NAV3: variants seen among roughly 807,000 people sequenced by gnomAD.
NAV3 encodes the protein pore membrane and/or filament interacting like protein 1.
In NAV3, 87 loss-of-function variants were observed where a neutral mutation model predicts 244.7. The ratio of observed to expected loss-of-function variants is 0.36; its 90% CI spans 0.30 to 0.42. NAV3 has a LOEUF of 0.42. NAV3 is among the 20% of genes least tolerant of loss of function. The pLI is 1.00. For missense variants in NAV3, 2,663 were observed against 2,893.3 expected, an observed-to-expected ratio of 0.92 and a Z score of 1.83; for synonymous variants, 1,126 against 1,042.2, an observed-to-expected ratio of 1.08 and a Z score of -1.55.
intron 2 of NAV3, among the ~76,000 whole-genome samples, chr12:77,788,244 G>A (rs1870998777): frequency 6.6e-6 from 1 of 152,140 alleles, no homozygotes; most frequent in Non-Finnish European, 1.5e-5. Context: ...TTTCCTTTGT[G>A]AGAGATTATT....
intron 3 of NAV3, among the ~76,000 whole-genome samples, chr12:77,957,326 A>G (rs1336906812): frequency 6.6e-6 from 1 of 152,218 alleles, no homozygotes; most frequent in Non-Finnish European, 1.5e-5. Context: ...TGCTGAATGA[A>G]TTAATCACTT....
At chr12:77,694,623 T>C (rs1032160766) in intron 2 of NAV3, among the ~76,000 whole-genome samples, 11 of 152,198 alleles carry the variant, frequency 7.2e-5, no homozygotes, top group African/African-American at 2.7e-4. Context: ...AGTATCTCCT[T>C]GAGTTATCTC....
intron 17 of NAV3, 87 bp from the exon 18 acceptor site, chr12:78,128,619 A>G: frequency 1.5e-6 from 2 of 1,334,036 alleles, no homozygotes; most frequent in Non-Finnish European, 2.1e-6. Flanking sequence ...CATTCTGAAT[A>G]GTAACCTCCT....
chr12:77,584,240 A>G (rs2136688185), intron 2 of NAV3, among the ~76,000 whole-genome samples: 1 of 152,262 alleles, frequency 6.6e-6, no homozygotes, highest in Non-Finnish European at 1.5e-5. Context: ...TATGATACGT[A>G]CTCAGGAACT....
chr12:77,767,355 T>G (rs1291792217), intron 2 of NAV3, among the ~76,000 whole-genome samples: 1 of 152,220 alleles, frequency 6.6e-6, no homozygotes, highest in Non-Finnish European at 1.5e-5. Flanking sequence ...TGGAAACCTC[T>G]GTGGCCAGTG....
At chr12:77,640,324 G>A (rs1872353278) in intron 2 of NAV3, among the ~76,000 whole-genome samples, 1 of 152,036 alleles carries the variant, frequency 6.6e-6, no homozygotes, top group Non-Finnish European at 1.5e-5. Context: ...TTAAGGAAGA[G>A]TAATCATTTT....
At position 77,849,517 on chromosome 12, in the gene NAV3, C is replaced by T. The variant is rs553547606; in HGVS notation, c.243+17813C>T. ...CTGATTTCAGGTGATGGGTTGTAGT[C>T]AAAACACAGTCAAAACTTTGTTTCA... On this transcript the variant is annotated intron_variant, in intron 1 of 39. Coordinates refer to ENST00000397909, the MANE Select transcript of NAV3 (RefSeq NM_001024383.2). Among the ~76,000 whole-genome samples, 6 of 152,184 alleles carry T rather than the reference C, an allele frequency of 3.9e-5. No individual in the cohort carries two copies. In the East Asian group the frequency reaches 1.2e-3, roughly 29 times the overall value.
chr12:77,907,485 C>T (rs73342786), intron 1 of NAV3, among the ~76,000 whole-genome samples: 3,030 of 152,060 alleles, frequency 0.02, 38 homozygotes, highest in African/African-American at 0.035. Flanking sequence ...CTGATTATTT[C>T]CTTGTAATAA....
chr12:77,635,130 AG>A (rs1463642503), intron 2 of NAV3, among the ~76,000 whole-genome samples: 3 of 152,168 alleles, frequency 2.0e-5, no homozygotes, highest in Non-Finnish European at 4.4e-5. Flanking sequence ...TGGGAGGCTA[AG>A]GCAGGAGAAT....
rs188187962 is a variant in NAV3 at position 78,043,630 on chromosome 12, G to A, written c.2024-6363G>A. Among the ~76,000 whole-genome samples the A allele has an allele frequency of 2.0e-3, 298 of 152,206 alleles. 3 individuals carry two copies. The highest frequency in any genetic ancestry group is 6.9e-3 in the African/African-American group (287 of 41,524). ...CTTTTTAATGATCGCCATTCTAACC[G>A]GCGTGAGATGGTATCTCATTGTGGT... is the stretch of plus-strand genomic sequence containing the variant. On this transcript the variant is annotated intron_variant, in intron 9 of 39. Coordinates refer to ENST00000397909, the MANE Select transcript of NAV3 (RefSeq NM_001024383.2).
intron 2 of NAV3, among the ~76,000 whole-genome samples, chr12:77,715,406 A>G (rs1282873454): frequency 1.3e-5 from 2 of 151,872 alleles, no homozygotes; most frequent in Non-Finnish European, 2.9e-5. Context: ...CTTTTTCAAC[A>G]TGAATGTCTA....
At chr12:77,925,838 G>A (rs1448114165) in intron 1 of NAV3, among the ~76,000 whole-genome samples, 1 of 152,096 alleles carries the variant, frequency 6.6e-6, no homozygotes, top group Non-Finnish European at 1.5e-5. Flanking sequence ...TAGCAAACTA[G>A]ATGACAGATC....
chr12:77,590,461 A>T (rs550808799), intron 2 of NAV3, among the ~76,000 whole-genome samples: 39 of 152,320 alleles, frequency 2.6e-4, no homozygotes, highest in African/African-American at 8.9e-4. Flanking sequence ...GAGCTAAATG[A>T]TAAGAACCCT....
intron 1 of NAV3, among the ~76,000 whole-genome samples, chr12:77,902,864 G>A (rs1427963747): frequency 6.6e-6 from 1 of 152,094 alleles, no homozygotes; most frequent in African/African-American, 2.4e-5. Context: ...CAAACAGAGA[G>A]CCAAATCATG....
At chr12:77,602,530 G>T (rs1188670393) in intron 2 of NAV3, among the ~76,000 whole-genome samples, 4 of 151,978 alleles carry the variant, frequency 2.6e-5, no homozygotes, top group African/African-American at 9.7e-5. Context: ...ATGAACTAAA[G>T]AGGGGATTAA....
At chr12:77,640,933 A>T (rs960908917) in intron 2 of NAV3, among the ~76,000 whole-genome samples, 6 of 152,132 alleles carry the variant, frequency 3.9e-5, no homozygotes, top group African/African-American at 1.4e-4. Flanking sequence ...AAGTGGGCTG[A>T]TACAAAGTTG....
At chr12:77,900,007 G>T (rs1422441920) in intron 1 of NAV3, among the ~76,000 whole-genome samples, 2 of 151,878 alleles carry the variant, frequency 1.3e-5, no homozygotes, top group East Asian at 3.9e-4. Context: ...TATCCAACAG[G>T]AAATTTTTCA....
chr12:77,772,636 C>T (rs958761717), intron 2 of NAV3, among the ~76,000 whole-genome samples: 1 of 152,078 alleles, frequency 6.6e-6, no homozygotes, highest in Non-Finnish European at 1.5e-5. Flanking sequence ...TATCCTTTTA[C>T]TTTAAATTTC....
intron 39 of NAV3, among the ~76,000 whole-genome samples, chr12:78,207,002 T>C (rs947812464): frequency 6.6e-6 from 1 of 151,626 alleles, no homozygotes; most frequent in Non-Finnish European, 1.5e-5. Context: ...GGGATTACAG[T>C]CATGCACCAC....
Sources: gnomAD v4.1 joint callset for allele counts (sites outside exome capture counted in the v4.1 genomes callset) on GRCh38, gnomAD v4.1.1 for gene constraint, MANE v1.5 for transcripts, NCBI Gene and HGNC (gene_info 2026-07-23, HGNC 2026-07-21) for gene names.